Variants in DENND1B observed in about 807,000 individuals in gnomAD.
DENND1B encodes DENN domain-containing protein 1B.
Under a neutral mutation model 90.1 loss-of-function variants are expected in DENND1B, and 59 were observed. That is an observed-to-expected ratio of 0.65 (90% CI 0.53 to 0.81). The LOEUF is 0.81. Ranked by LOEUF, DENND1B falls within the 40% of genes least tolerant of loss-of-function variation. The probability of loss-of-function intolerance (pLI) is 0.00; values close to 1 mark genes in which losing one functional copy is unlikely to be tolerated. For synonymous variants in DENND1B, 337 were observed against 324.6 expected, an observed-to-expected ratio of 1.04 and a Z score of -0.41; for missense variants, 862 against 912.6, an observed-to-expected ratio of 0.94 and a Z score of 0.71.
intron 18 of DENND1B, among the ~76,000 whole-genome samples, chr1:197,543,220 C>T (rs767391553): frequency 2.0e-5 from 3 of 152,110 alleles, no homozygotes; most frequent in Non-Finnish European, 2.9e-5. Context: ...AGGTGTGAGC[C>T]ACAGCACCCG....
intron 10 of DENND1B, among the ~76,000 whole-genome samples, chr1:197,641,980 T>C (rs750398716): frequency 3.3e-5 from 5 of 152,114 alleles, no homozygotes; most frequent in Non-Finnish European, 5.9e-5. Context: ...AAATACATCA[T>C]AGATTATCTA....
intron 20 of DENND1B, among the ~76,000 whole-genome samples, chr1:197,536,295 G>T (rs1669900381): frequency 6.6e-6 from 1 of 152,042 alleles, no homozygotes; most frequent in African/African-American, 2.4e-5. Context: ...GCAATTAGAT[G>T]TCCTAAAGAA....
chr1:197,713,816 T>TATAATATATTATATATAATATATTATA (rs1660261952), intron 3 of DENND1B, among the ~76,000 whole-genome samples: 1 of 63,712 alleles, frequency 1.6e-5, no homozygotes, highest in Non-Finnish European at 2.6e-5. Flanking sequence ...ATATATTATA[T>TATAATATATTATATATAATATATTATA]ATAATATATT....
intron 10 of DENND1B, among the ~76,000 whole-genome samples, chr1:197,624,094 A>C (rs930854457): frequency 2.6e-5 from 4 of 151,614 alleles, no homozygotes; most frequent in Non-Finnish European, 5.9e-5. Flanking sequence ...TCTATCGAGA[A>C]GCAAAAGACA....
intron 3 of DENND1B, among the ~76,000 whole-genome samples, chr1:197,706,200 C>A (rs1055882166): frequency 3.3e-5 from 5 of 152,170 alleles, no homozygotes; most frequent in Non-Finnish European, 5.9e-5. Flanking sequence ...AGTGACAAGA[C>A]TGTCTTATCC....
At chr1:197,514,211 C>T (rs1668240812) in intron 20 of DENND1B, among the ~76,000 whole-genome samples, 1 of 151,576 alleles carries the variant, frequency 6.6e-6, no homozygotes, top group Non-Finnish European at 1.5e-5. Flanking sequence ...TATTTGCTGG[C>T]ATTCTATAAA....
intron 2 of DENND1B, among the ~76,000 whole-genome samples, chr1:197,741,663 C>T (rs1663225991): frequency 6.6e-6 from 1 of 152,076 alleles, no homozygotes; most frequent in African/African-American, 2.4e-5. Context: ...AGGCACAAAA[C>T]TTAAAACATT....
chr1:197,644,313 T>C (rs114701320), intron 9 of DENND1B, among the ~76,000 whole-genome samples: 1,615 of 152,320 alleles, frequency 0.011, 34 homozygotes, highest in African/African-American at 0.037. Flanking sequence ...AACATGTTAA[T>C]AGACAAGTAA....
At chr1:197,625,932 T>C (rs1297893329) in intron 10 of DENND1B, among the ~76,000 whole-genome samples, 1 of 152,130 alleles carries the variant, frequency 6.6e-6, no homozygotes, top group Non-Finnish European at 1.5e-5. Context: ...AGAGGGCCAT[T>C]ACATAATGGC....
chr1:197,759,202 C>G (rs976818682), intron 2 of DENND1B, among the ~76,000 whole-genome samples: 5 of 151,402 alleles, frequency 3.3e-5, no homozygotes, highest in African/African-American at 1.2e-4. Context: ...CTCCTGGCCT[C>G]ATGTGATCCA....
intron 2 of DENND1B, among the ~76,000 whole-genome samples, chr1:197,739,734 C>A (rs983763170): frequency 3.3e-5 from 5 of 152,060 alleles, no homozygotes; most frequent in Non-Finnish European, 5.9e-5. Flanking sequence ...ATATTAAAAT[C>A]TTTCAAAACT....
chr1:197,606,825 C>A (rs1231303832), intron 13 of DENND1B: 2 of 354,944 alleles, frequency 5.6e-6, no homozygotes, highest in East Asian at 5.4e-5. Context: ...AGAAACTCTG[C>A]CTAATGAATG....
At chr1:197,761,467 AT>A (rs1655047791) in intron 2 of DENND1B, among the ~76,000 whole-genome samples, 1 of 152,214 alleles carries the variant, frequency 6.6e-6, no homozygotes, top group Non-Finnish European at 1.5e-5. Context: ...GTTCCCGTGT[AT>A]TAAAACACAT....
At chr1:197,524,379 T>A (rs1668993409) in intron 20 of DENND1B, among the ~76,000 whole-genome samples, 1 of 152,256 alleles carries the variant, frequency 6.6e-6, no homozygotes, top group South Asian at 2.1e-4. Context: ...GATATAATTA[T>A]CAATATTTTA....
upstream of DENND1B, among the ~76,000 whole-genome samples, chr1:197,778,532 G>GT: frequency 6.6e-6 from 1 of 152,190 alleles, no homozygotes; most frequent in South Asian, 2.1e-4. Context: ...AATTAGCTGG[G>GT]TGTGGTGGGT....
Position 197,509,322 on chromosome 1 carries a change from G to A in DENND1B, c.*1138C>T, listed in dbSNP as rs189844720. ...CTGTCACAGGCAAGAGGAGCCTAAG[G>A]AGACATTCCAACTCAATATAGTGTG... On this transcript the variant is annotated 3_prime_UTR_variant, in exon 23 of 23. Transcript: ENST00000620048. 2.0e-5 allele frequency: 3 copies of A among 151,912 alleles called. No homozygotes were observed. The highest frequency in any genetic ancestry group is 2.0e-4 in the Admixed American group (3 of 15,198). 9.4% of individuals were successfully genotyped at this position (151,912 alleles called of 1,614,324 possible). A position where few individuals can be genotyped will look rare whatever the true frequency, so the allele number is the denominator to read the frequency against.
In DENND1B at chr1:197,748,979, T is replaced by TA. The variant is rs1409508053; in HGVS notation, c.82+23888dup. Among the ~76,000 whole-genome samples the TA allele has an allele frequency of 2.6e-5, 4 of 152,100 alleles. 1 individual carries two copies. The South Asian group carries it at 8.3e-4, about 32-fold the overall frequency. ...AGATTCAAAACGAAAATCTACAATT[T>TA]AAAAAATACATTATTTGAGACAAAA... On this transcript the variant is annotated intron_variant, in intron 2 of 22. Transcript: ENST00000620048.
At chr1:197,545,647 G>C in intron 18 of DENND1B, 1 of 325,244 alleles carries the variant, frequency 3.1e-6, no homozygotes, top group Non-Finnish European at 5.5e-6. Context: ...TTACAAAATG[G>C]TACCCCATCA....
rs1671381419 is a variant in DENND1B, at chr1:197,553,083, A to G, written c.1179T>C (p.Asn393=). The G allele has an allele frequency of 1.3e-6, 2 of 1,543,200 alleles. No homozygotes were observed. The highest frequency in any genetic ancestry group is 1.7e-6 in the Non-Finnish European group (2 of 1,152,264). ...ATACATCAGAGAAACCCCTTCCTGC[A>G]TTTAGTTTTGCCAGTCGACCATCGA... is the stretch of plus-strand genomic sequence containing the variant. The part of the protein sequence containing the change: ...QFIDGRLAKL[N]AGRGFSDVFE... Residue 393 remains asparagine (N), a synonymous_variant, in exon 16 of 23, where the codon AAT becomes AAC. Transcript: ENST00000620048.
Sources: allele counts gnomAD v4.1 joint callset (sites outside exome capture counted in the v4.1 genomes callset), GRCh38; gene constraint gnomAD v4.1.1; transcripts MANE v1.5; gene names NCBI Gene and HGNC (gene_info 2026-07-23, HGNC 2026-07-21).